PTPN12: variants seen among roughly 807,000 people sequenced by gnomAD.
PTPN12 encodes protein tyrosine phosphatase non-receptor type 12.
Under a neutral mutation model 97.6 loss-of-function variants are expected in PTPN12, and 29 were observed. The ratio of observed to expected loss-of-function variants is 0.30; its 90% CI spans 0.22 to 0.41. PTPN12 has a LOEUF of 0.41. Among genes scored for constraint, PTPN12 ranks in the 10% least tolerant of loss-of-function variants. The pLI is 1.00. For missense variants in PTPN12, 819 were observed against 926.0 expected (o/e 0.88, Z 1.50); for synonymous variants, 327 against 300.4 (o/e 1.09, Z -0.91).
At position 77,591,403 on chromosome 7, in the gene PTPN12, C is replaced by T. The variant is rs118112782; in HGVS notation, c.421-782C>T. 6.1e-3 allele frequency among the ~76,000 whole-genome samples: 936 copies of T among 152,262 alleles called. 5 individuals carry two copies. Among genetic ancestry groups the T allele is most frequent in the Middle Eastern group, 0.037 (11 of 294 alleles). On this transcript the variant is annotated intron_variant, in intron 5 of 17. Coordinates refer to ENST00000248594, the MANE Select transcript of PTPN12 (RefSeq NM_002835.4). Reference sequence around the variant, plus strand: ...TCATTCTATTTTCCATAAAGTTAGGCTTTTCATTCACTTAACTGATTTTCT... The same window carrying T: ...TCATTCTATTTTCCATAAAGTTAGGTTTTTCATTCACTTAACTGATTTTCT...
At position 77,625,472 on chromosome 7, in the gene PTPN12, G is replaced by GCTTGCGCGCTCTCTCTCTCT. The variant is rs1554326598; in HGVS notation, c.1026-1231_1026-1230insTGCGCGCTCTCTCTCTCTCT. On this transcript the variant is annotated intron_variant, in intron 12 of 17. Coordinates refer to ENST00000248594, the MANE Select transcript of PTPN12 (RefSeq NM_002835.4). ...TTTTGCCATATTGCCCAGGCTGCTC[G>GCTTGCGCGCTCTCTCTCTCT]CTCTCTCTCTCTCTCTCTCTCTCTC... Among the ~76,000 whole-genome samples, 9 of 33,530 alleles carry GCTTGCGCGCTCTCTCTCTCT rather than the reference G, an allele frequency of 2.7e-4. 1 individual carries two copies. Among genetic ancestry groups the GCTTGCGCGCTCTCTCTCTCT allele is most frequent in the African/African-American group, 1.2e-3 (9 of 7,530 alleles). 22.0% of individuals were successfully genotyped at this position (33,530 alleles called of 152,430 possible). A position where few individuals can be genotyped will look rare whatever the true frequency, so the allele number is the denominator to read the frequency against.
intron 5 of PTPN12, 35 bp from the exon 6 acceptor site, chr7:77,592,150 T>C: frequency 1.9e-6 from 3 of 1,542,900 alleles, no homozygotes; most frequent in Non-Finnish European, 2.7e-6. Context: ...AAAACTTACA[T>C]GAATTACTTA....
chr7:77,576,323 G>T (rs755149908), intron 2 of PTPN12, among the ~76,000 whole-genome samples: 1 of 152,076 alleles, frequency 6.6e-6, no homozygotes, highest in Non-Finnish European at 1.5e-5. Flanking sequence ...GTTTCTCTTG[G>T]TTGGATAGCT....
chr7:77,560,284 G>A (rs4729535), intron 1 of PTPN12, among the ~76,000 whole-genome samples: 63,218 of 151,964 alleles, frequency 0.42, 14,442 homozygotes, highest in East Asian at 0.74. Flanking sequence ...AATGGCGCTT[G>A]CCTGCAACTA....
chr7:77,556,677 G>A (rs1008326850), intron 1 of PTPN12, among the ~76,000 whole-genome samples: 2 of 151,862 alleles, frequency 1.3e-5, no homozygotes, highest in South Asian at 2.1e-4. Flanking sequence ...GTGAAACCCC[G>A]TCTCTAATAA....
chr7:77,627,131 T>C lies in PTPN12; in HGVS notation c.1452T>C (p.Asp484=). Residue 484 remains aspartate, a synonymous_variant, in exon 13 of 18, where the codon GAT becomes GAC. Coordinates refer to ENST00000248594, the MANE Select transcript of PTPN12 (RefSeq NM_002835.4). The part of the protein sequence containing the change: ...KISKPQELSS[D]LNVGDTSQNS... The stretch of plus-strand genomic sequence containing the variant: ...CTAAGCCACAGGAATTAAGTTCAGA[T>C]CTAAATGTCGGTGATACTTCCCAGA... 6.2e-7 allele frequency: 1 copy of C among 1,614,134 alleles called. No homozygotes were observed. Among genetic ancestry groups the C allele is most frequent in the South Asian group, 1.1e-5 (1 of 91,076 alleles).
At chr7:77,631,386 G>C (rs911670032) in intron 13 of PTPN12, among the ~76,000 whole-genome samples, 1 of 152,184 alleles carries the variant, frequency 6.6e-6, no homozygotes, top group Non-Finnish European at 1.5e-5. Context: ...TAGCCATCAG[G>C]TGTGGTAAAA....
chr7:77,579,298 T>G (rs1367762607), intron 2 of PTPN12, among the ~76,000 whole-genome samples: 2 of 152,142 alleles, frequency 1.3e-5, no homozygotes, highest in African/African-American at 4.8e-5. Flanking sequence ...ATTTTTTTTG[T>G]ATTTTTAGTA....
intron 1 of PTPN12, among the ~76,000 whole-genome samples, chr7:77,556,447 C>G (rs1457367213): frequency 6.6e-6 from 1 of 152,104 alleles, no homozygotes; most frequent in Non-Finnish European, 1.5e-5. Flanking sequence ...GCTTGAATGA[C>G]CTGTAGTTGG....
chr7:77,582,661 G>C (rs1267935919), intron 3 of PTPN12, among the ~76,000 whole-genome samples: 1 of 151,742 alleles, frequency 6.6e-6, no homozygotes, highest in East Asian at 1.9e-4. Context: ...GTGCATGCCT[G>C]TAATACCAGC....
chr7:77,633,099 C>T (rs1450221912), intron 14 of PTPN12, among the ~76,000 whole-genome samples: 3 of 151,936 alleles, frequency 2.0e-5, no homozygotes, highest in Non-Finnish European at 2.9e-5. Context: ...GGAGAAACCC[C>T]GTCTCTACTA....
At chr7:77,571,216 A>G in intron 2 of PTPN12, 30 bp downstream of exon 2, 1 of 1,380,750 alleles carries the variant, frequency 7.2e-7, no homozygotes, top group South Asian at 1.3e-5. Context: ...GATAAAATAC[A>G]TAGAAATGCT....
chr7:77,627,893 TTAG>T (rs1355170175), intron 13 of PTPN12, among the ~76,000 whole-genome samples: 4 of 152,226 alleles, frequency 2.6e-5, no homozygotes, highest in Non-Finnish European at 5.9e-5. Flanking sequence ...CTAAATTATT[TTAG>T]TAGTTATAAC....
intron 2 of PTPN12, 152 bp downstream of exon 2, chr7:77,571,338 G>A (rs1016218253): frequency 3.8e-5 from 21 of 558,510 alleles, no homozygotes; most frequent in South Asian, 1.0e-4. Flanking sequence ...TCATAATTGT[G>A]CTTTTTGTTT....
chr7:77,548,660 C>T (rs535826346), intron 1 of PTPN12, among the ~76,000 whole-genome samples: 1 of 152,122 alleles, frequency 6.6e-6, no homozygotes, highest in Non-Finnish European at 1.5e-5. Flanking sequence ...TTCCTACCCC[C>T]CTAGAGTAGA....
rs368903843 is a variant in PTPN12, at chr7:77,557,266, C to G, written c.100-13812C>G. On this transcript the variant is annotated intron_variant, in intron 1 of 17. Coordinates refer to ENST00000248594, the MANE Select transcript of PTPN12 (RefSeq NM_002835.4). Reference sequence around the variant, plus strand: ...ACAAGTATGAGCCACTGCATCCAGCCTCCCCTGGAGATTTTAACCCTCATA... The same window carrying G: ...ACAAGTATGAGCCACTGCATCCAGCGTCCCCTGGAGATTTTAACCCTCATA... 5.1e-4 allele frequency among the ~76,000 whole-genome samples: 77 copies of G among 152,334 alleles called. 1 individual carries two copies. The South Asian group carries it at 0.015, about 30-fold the overall frequency.
At chr7:77,541,399 G>A (rs1806968530) in intron 1 of PTPN12, among the ~76,000 whole-genome samples, 1 of 152,196 alleles carries the variant, frequency 6.6e-6, no homozygotes, top group Non-Finnish European at 1.5e-5. Flanking sequence ...CTACTACTTG[G>A]TAACTATCTT....
intron 1 of PTPN12, among the ~76,000 whole-genome samples, chr7:77,546,247 GATTA>G (rs1470539305): frequency 1.8e-4 from 27 of 152,246 alleles, no homozygotes; most frequent in African/African-American, 6.5e-4. Context: ...GCAAAAATGT[GATTA>G]ATTCTCACCT....
intron 6 of PTPN12, among the ~76,000 whole-genome samples, chr7:77,597,510 T>C (rs1029237252): frequency 1.3e-5 from 2 of 152,234 alleles, no homozygotes; most frequent in Non-Finnish European, 2.9e-5. Context: ...GGTTCATCCA[T>C]GTCTTTTCAT....
Sources: gnomAD v4.1 joint callset for allele counts (sites outside exome capture counted in the v4.1 genomes callset) on GRCh38, gnomAD v4.1.1 for gene constraint, MANE v1.5 for transcripts, NCBI Gene and HGNC (gene_info 2026-07-23, HGNC 2026-07-21) for gene names.